Variants in QSOX1 observed in about 807,000 individuals in gnomAD.
The protein encoded by QSOX1 is sulfhydryl oxidase 1.
In QSOX1, 40 loss-of-function variants were observed where a neutral mutation model predicts 76.1. The ratio of observed to expected loss-of-function variants is 0.53; its 90% CI spans 0.41 to 0.68. The LOEUF (loss-of-function observed/expected upper bound fraction) is 0.68, where lower values mean the gene tolerates loss of function less well. QSOX1 is among the 30% of genes least tolerant of loss of function. The pLI is 0.00. For synonymous variants in QSOX1, 392 were observed against 413.1 expected (o/e 0.95, Z 0.62); for missense variants, 931 against 974.3 (o/e 0.96, Z 0.59).
chr1:180,183,155 C>T (rs950304347), intron 6 of QSOX1, among the ~76,000 whole-genome samples: 4 of 152,230 alleles, frequency 2.6e-5, no homozygotes, highest in Middle Eastern at 3.4e-3. Context: ...TTGTTTGTGA[C>T]GATGCTGCCT....
At chr1:180,173,047 C>G (rs1162798988) in intron 2 of QSOX1, among the ~76,000 whole-genome samples, 1 of 152,166 alleles carries the variant, frequency 6.6e-6, no homozygotes, top group Non-Finnish European at 1.5e-5. Context: ...TGTAAATAAA[C>G]AAGAGCACCA....
At chr1:180,170,589 G>A (rs1269675444) in intron 2 of QSOX1, among the ~76,000 whole-genome samples, 1 of 152,152 alleles carries the variant, frequency 6.6e-6, no homozygotes, top group African/African-American at 2.4e-5. Flanking sequence ...TAGCTCCTGT[G>A]TAAAGTGATG....
chr1:180,166,535 G>A lies in QSOX1; in HGVS notation c.310G>A (p.Glu104Lys). ...LYLAALDCAE[E>K]TNSAVCRDFN... ...TCTCGCCGCCCTGGACTGTGCTGAG[G>A]AGACCAACAGTGCAGTCTGCAGAGA... The change falls in exon 2 of 12, where the codon GAG (glutamate) becomes AAG (lysine). Residue 104 changes from glutamate (E) to lysine (K), a missense_variant. By Grantham distance (56) the Glu-to-Lys change is moderately conservative. Transcript: ENST00000367602. The A allele has an allele frequency of 1.9e-6, 3 of 1,614,198 alleles. No homozygotes were observed. Among genetic ancestry groups the A allele is most frequent in the Non-Finnish European group, 2.5e-6 (3 of 1,180,036 alleles).
intron 9 of QSOX1, 142 bp downstream of exon 9, chr1:180,189,816 A>T: frequency 1.1e-6 from 1 of 902,638 alleles, no homozygotes; most frequent in Admixed American, 2.8e-5. Flanking sequence ...AATAATCAAT[A>T]AATGACTATT....
At position 180,159,415 on chromosome 1, in the gene QSOX1, T is replaced by G. The variant is rs529895155; in HGVS notation, c.265+4243T>G. 4.6e-5 allele frequency among the ~76,000 whole-genome samples: 7 copies of G among 152,326 alleles called. No individual in the cohort carries two copies. In the South Asian group the frequency reaches 1.2e-3, roughly 27 times the overall value. On this transcript the variant is annotated intron_variant, in intron 1 of 11. Coordinates refer to ENST00000367602, the MANE Select transcript of QSOX1 (RefSeq NM_002826.5). ...ACAATGGAGCACTCACATAAGGACCTTCTCTATTCCATCTCCTGTTACTTG... is the reference window on the plus strand; with the variant it reads ...ACAATGGAGCACTCACATAAGGACCGTCTCTATTCCATCTCCTGTTACTTG...
chr1:180,185,637 T>C (rs527805962), intron 7 of QSOX1, among the ~76,000 whole-genome samples: 121 of 152,246 alleles, frequency 7.9e-4, no homozygotes, highest in Middle Eastern at 3.4e-3. Context: ...TCCAGAGCCA[T>C]GTCGTGTGTA....
At position 180,154,901 on chromosome 1, in the gene QSOX1, G is replaced by A. The variant is rs1194449484; in HGVS notation, c.-7G>A. The A allele has an allele frequency of 6.3e-6, 9 of 1,431,268 alleles. No homozygotes were observed. Among genetic ancestry groups the A allele is most frequent in the Non-Finnish European group, 8.2e-6 (9 of 1,100,682 alleles). The allele number at this position is 1,431,268 out of a possible 1,614,324, so 88.7% of individuals were successfully genotyped here. A position where few individuals can be genotyped will look rare whatever the true frequency, so the allele number is the denominator to read the frequency against. Reference sequence around the variant, plus strand: ...GCTTGCGTGTGGTGGTGAGCGCAGCGCCGAGGATGAGGAGGTGCAACAGCG... The same window carrying A: ...GCTTGCGTGTGGTGGTGAGCGCAGCACCGAGGATGAGGAGGTGCAACAGCG... On this transcript the variant is annotated 5_prime_UTR_variant, in exon 1 of 12. Coordinates refer to ENST00000367602, the MANE Select transcript of QSOX1 (RefSeq NM_002826.5).
Position 180,196,974 on chromosome 1 carries a change from G to GTAC in QSOX1, c.2182_2184dup (p.Tyr728dup). 6.2e-7 allele frequency: 1 copy of GTAC among 1,612,276 alleles called. No homozygotes were observed. Among genetic ancestry groups the GTAC allele is most frequent in the South Asian group, 1.1e-5 (1 of 90,870 alleles). On this transcript the variant is annotated inframe_insertion, in exon 12 of 12. Transcript: ENST00000367602. This position sits in a 1 kb window ranked among gnomAD's most constrained non-coding sequence, Gnocchi z 4.1. ...TGTCCTTCATGGGCCTGCTGGCCAT[G>GTAC]TACACCTACTTCCAGGCCAAGATAA...
At chr1:180,166,041 G>A (rs1013522708) in intron 1 of QSOX1, among the ~76,000 whole-genome samples, 4 of 152,074 alleles carry the variant, frequency 2.6e-5, no homozygotes, top group African/African-American at 9.7e-5. Flanking sequence ...CTTCCCTAAG[G>A]GTCCCCTGGG....
chr1:180,180,168 C>T (rs1173240056), intron 5 of QSOX1, among the ~76,000 whole-genome samples: 1 of 152,246 alleles, frequency 6.6e-6, no homozygotes, highest in Non-Finnish European at 1.5e-5. Context: ...ACTTCTAAGC[C>T]TCAGTTTCTC....
At chr1:180,184,168 A>C (rs917233735) in intron 7 of QSOX1, 118 bp downstream of exon 7, 2 of 1,339,864 alleles carry the variant, frequency 1.5e-6, no homozygotes, top group Non-Finnish European at 2.1e-6. Context: ...TAGTGTGTAC[A>C]TTCTGAGCCA....
chr1:180,194,997 G>GA (rs1553275525), intron 11 of QSOX1, among the ~76,000 whole-genome samples: 1 of 137,728 alleles, frequency 7.3e-6, no homozygotes. Flanking sequence ...ACAGCCTCCC[G>GA]GGGGGGGGAG....
At chr1:180,171,712 G>C (rs1056238224) in intron 2 of QSOX1, among the ~76,000 whole-genome samples, 4 of 152,174 alleles carry the variant, frequency 2.6e-5, no homozygotes, top group African/African-American at 9.7e-5. Flanking sequence ...GTCTGTAGGA[G>C]AGACCGGGGT....
chr1:180,178,815 C>G lies in QSOX1; in HGVS notation c.537C>G (p.Phe179Leu). 1 of 1,613,900 alleles carries G rather than the reference C, an allele frequency of 6.2e-7. No homozygotes were observed. Among genetic ancestry groups the G allele is most frequent in the Non-Finnish European group, 8.5e-7 (1 of 1,179,804 alleles). The change falls in exon 5 of 12, where the codon TTC (phenylalanine) becomes TTG (leucine). Residue 179 changes from phenylalanine to leucine, a missense_variant. Transcript: ENST00000367602. ...EPAKLEEIDG[F>L]FARNNEEYLA... is the part of the protein sequence containing the mutation. The stretch of plus-strand genomic sequence containing the variant: ...GCAGGCTGGAGGAGATTGATGGATT[C>G]TTTGCGAGAAATAACGAAGAGTACC...
chr1:180,177,250 CTTTTT>C (rs34390948), intron 4 of QSOX1, among the ~76,000 whole-genome samples: 5 of 112,896 alleles, frequency 4.4e-5, no homozygotes, highest in Admixed American at 8.9e-5. Flanking sequence ...CAAAGTGATC[CTTTTT>C]TTTTTTTTTT....
rs1253724462 is a variant in QSOX1, at chr1:180,199,301, A to C, written c.*2264A>C. ...CCAGGCTGGGAGCTGGAGCTTGCTG[A>C]GTCTTGAATGCCCTTCTAGATGGCT... On this transcript the variant is annotated 3_prime_UTR_variant, in exon 12 of 12. Transcript: ENST00000367602. 1 of 152,188 alleles carries C rather than the reference A, an allele frequency of 6.6e-6. No homozygotes were observed. Among genetic ancestry groups the C allele is most frequent in the Non-Finnish European group, 1.5e-5 (1 of 68,060 alleles). 9.4% of individuals were successfully genotyped at this position (152,188 alleles called of 1,614,324 possible).
Position 180,201,904 on chromosome 1 carries a change from C to T in QSOX1, c.*4867C>T, listed in dbSNP as rs529906389. Reference sequence around the variant, plus strand: ...CCCCACTCGCAGCCTTGGCCTCTGCCCTGCAGAAGAATTCCCTGTAACTCA... The same window carrying T: ...CCCCACTCGCAGCCTTGGCCTCTGCTCTGCAGAAGAATTCCCTGTAACTCA... On this transcript the variant is annotated 3_prime_UTR_variant, in exon 12 of 12. Transcript: ENST00000367602. 2.6e-5 allele frequency: 4 copies of T among 152,370 alleles called. No homozygotes were observed. Among genetic ancestry groups the T allele is most frequent in the African/African-American group, 9.6e-5 (4 of 41,574 alleles). 9.4% of individuals were successfully genotyped at this position (152,370 alleles called of 1,614,324 possible).
At chr1:180,171,606 T>G (rs1372221279) in intron 2 of QSOX1, among the ~76,000 whole-genome samples, 1 of 152,214 alleles carries the variant, frequency 6.6e-6, no homozygotes, top group East Asian at 1.9e-4. Flanking sequence ...ATTGATCCCT[T>G]TATCCACTCA....
At position 180,186,173 on chromosome 1, in the gene QSOX1, G is replaced by C. The variant is rs547917068; in HGVS notation, c.1008G>C (p.Val336=). Reference sequence around the variant, plus strand: ...TGGCCCTGAAAAAGTTTGTGGCAGTGCTGGCCAAGGTGAGCAGGGCCATGG... The same window carrying C: ...TGGCCCTGAAAAAGTTTGTGGCAGTCCTGGCCAAGGTGAGCAGGGCCATGG... The part of the protein sequence containing the change: ...RLVALKKFVA[V]LAKYFPGRPL... Residue 336 remains valine (V), a synonymous_variant, in exon 8 of 12, where the codon GTG becomes GTC. Transcript: ENST00000367602. 1 of 1,613,122 alleles carries C rather than the reference G, an allele frequency of 6.2e-7. No homozygotes were observed. The highest frequency in any genetic ancestry group is 1.7e-5 in the Admixed American group (1 of 59,974).
Sources: allele counts gnomAD v4.1 joint callset (sites outside exome capture counted in the v4.1 genomes callset), GRCh38; gene constraint gnomAD v4.1.1; non-coding constraint Gnocchi (gnomAD v3.1); transcripts MANE v1.5; gene names NCBI Gene and HGNC (gene_info 2026-07-23, HGNC 2026-07-21).